NCAM2: variants seen among roughly 807,000 people sequenced by gnomAD.
NCAM2 encodes the protein N-CAM-2.
A neutral mutation model predicts 98.1 loss-of-function variants in NCAM2; 30 were observed. The ratio of observed to expected loss-of-function variants is 0.31; its 90% CI spans 0.23 to 0.41. The LOEUF (loss-of-function observed/expected upper bound fraction) is 0.41. Among genes scored for constraint, NCAM2 ranks in the 10% least tolerant of loss-of-function variants. The probability of loss-of-function intolerance (pLI) is 1.00; values close to 1 mark genes in which losing one functional copy is unlikely to be tolerated. For missense variants in NCAM2, 867 were observed against 1,005.8 expected, an observed-to-expected ratio of 0.86 and a Z score of 1.87; for synonymous variants, 368 against 342.4, an observed-to-expected ratio of 1.07 and a Z score of -0.83.
At chr21:21,199,807 T>C (rs1192557312) in intron 1 of NCAM2, among the ~76,000 whole-genome samples, 2 of 152,100 alleles carry the variant, frequency 1.3e-5, no homozygotes, top group African/African-American at 4.8e-5. Flanking sequence ...TATGGCATTC[T>C]TATACTTATG....
intron 14 of NCAM2, among the ~76,000 whole-genome samples, chr21:21,471,594 C>G (rs910669534): frequency 2.4e-4 from 36 of 152,056 alleles, no homozygotes; most frequent in African/African-American, 8.7e-4. Context: ...TTGATTTCTT[C>G]TTTGGCCACA....
At chr21:21,465,021 A>G (rs1602419922) in intron 12 of NCAM2, among the ~76,000 whole-genome samples, 1 of 152,204 alleles carries the variant, frequency 6.6e-6, no homozygotes. Context: ...TACACTCTAA[A>G]AAGCAAGTTC....
At position 21,472,408 on chromosome 21, in the gene NCAM2, T is replaced by A. The variant is rs557866655; in HGVS notation, c.1896+3625T>A. Among the ~76,000 whole-genome samples, 3 of 152,170 alleles carry A rather than the reference T, an allele frequency of 2.0e-5. No individual in the cohort carries two copies. In the South Asian group the frequency reaches 6.2e-4, roughly 32 times the overall value. On this transcript the variant is annotated intron_variant, in intron 14 of 17. Coordinates refer to ENST00000400546, the MANE Select transcript of NCAM2 (RefSeq NM_004540.5). ...GGTTCTTAAGAAAACATTTTCCAGTTAATAATGTTTATGTATGTACATGGA... is the reference window on the plus strand; with the variant it reads ...GGTTCTTAAGAAAACATTTTCCAGTAAATAATGTTTATGTATGTACATGGA...
intron 8 of NCAM2, among the ~76,000 whole-genome samples, chr21:21,343,542 T>C (rs1220519453): frequency 2.0e-5 from 3 of 152,118 alleles, no homozygotes; most frequent in African/African-American, 7.2e-5. Flanking sequence ...AGCCTTGACA[T>C]GGTGTCGAGA....
chr21:21,085,955 C>T (rs1469613726), intron 1 of NCAM2, among the ~76,000 whole-genome samples: 1 of 152,096 alleles, frequency 6.6e-6, no homozygotes, highest in African/African-American at 2.4e-5. Flanking sequence ...TTATTAAGCA[C>T]TGCAGAAACT....
intron 12 of NCAM2, among the ~76,000 whole-genome samples, chr21:21,452,100 C>G (rs1353458159): frequency 1.3e-5 from 2 of 149,436 alleles, no homozygotes; most frequent in Non-Finnish European, 3.0e-5. Context: ...TTATTAGTGA[C>G]TTTATCTCTT....
At chr21:21,301,293 C>T (rs2073702067) in intron 5 of NCAM2, among the ~76,000 whole-genome samples, 1 of 151,668 alleles carries the variant, frequency 6.6e-6, no homozygotes, top group African/African-American at 2.4e-5. Flanking sequence ...GGGGACTCAG[C>T]CAAAAATTAT....
intron 11 of NCAM2, among the ~76,000 whole-genome samples, chr21:21,431,674 A>G (rs921281658): frequency 5.9e-5 from 9 of 152,130 alleles, no homozygotes; most frequent in Admixed American, 5.9e-4. Context: ...CAAAGAAAAT[A>G]CATTTTGTAT....
chr21:21,467,183 G>A (rs1257197246), intron 13 of NCAM2, among the ~76,000 whole-genome samples: 5 of 151,754 alleles, frequency 3.3e-5, no homozygotes, highest in East Asian at 1.9e-4. Flanking sequence ...GTGACTGCAG[G>A]AGAAGCCTTG....
chr21:21,291,163 A>C (rs2073278263), intron 4 of NCAM2, among the ~76,000 whole-genome samples: 1 of 151,936 alleles, frequency 6.6e-6, no homozygotes, highest in Non-Finnish European at 1.5e-5. Flanking sequence ...TATTCATCAA[A>C]GTGTCTTATA....
chr21:21,060,343 C>T (rs2065296074), intron 1 of NCAM2, among the ~76,000 whole-genome samples: 1 of 151,992 alleles, frequency 6.6e-6, no homozygotes, highest in African/African-American at 2.4e-5. Flanking sequence ...GTTTTAAATG[C>T]ACAAGCATAT....
intron 1 of NCAM2, among the ~76,000 whole-genome samples, chr21:21,150,783 C>A (rs993229853): frequency 1.3e-5 from 2 of 151,676 alleles, no homozygotes; most frequent in Non-Finnish European, 2.9e-5. Flanking sequence ...TATTTTTCTG[C>A]ATTTGGTATA....
intron 8 of NCAM2, among the ~76,000 whole-genome samples, chr21:21,351,272 A>G (rs2075332381): frequency 6.6e-6 from 1 of 152,046 alleles, no homozygotes; most frequent in Non-Finnish European, 1.5e-5. Context: ...TAACTCAAAT[A>G]TTATTGGCGA....
At chr21:21,311,471 G>T (rs535524357) in intron 5 of NCAM2, among the ~76,000 whole-genome samples, 1 of 151,474 alleles carries the variant, frequency 6.6e-6, no homozygotes, top group Admixed American at 6.6e-5. Context: ...CTCCTGAGTC[G>T]CTGGGACTAC....
intron 5 of NCAM2, among the ~76,000 whole-genome samples, chr21:21,323,972 T>C (rs1480881064): frequency 6.6e-6 from 1 of 152,158 alleles, no homozygotes; most frequent in Non-Finnish European, 1.5e-5. Context: ...TCCATATTGA[T>C]GTAAGTTAGG....
At chr21:21,248,648 G>T (rs1197157398) in intron 1 of NCAM2, among the ~76,000 whole-genome samples, 1 of 151,550 alleles carries the variant, frequency 6.6e-6, no homozygotes, top group Non-Finnish European at 1.5e-5. Flanking sequence ...GTGGTGGCGG[G>T]CGCCTGTAGT....
At chr21:21,201,574 C>T (rs2069222258) in intron 1 of NCAM2, among the ~76,000 whole-genome samples, 1 of 152,218 alleles carries the variant, frequency 6.6e-6, no homozygotes, top group Non-Finnish European at 1.5e-5. Context: ...AGCTGGAAGA[C>T]TCAGGCTGAT....
At chr21:21,483,345 G>C (rs1351247396) in intron 15 of NCAM2, among the ~76,000 whole-genome samples, 1 of 151,766 alleles carries the variant, frequency 6.6e-6, no homozygotes, top group African/African-American at 2.4e-5. Context: ...ATACAAAATA[G>C]TTGTTTAGAT....
intron 1 of NCAM2, among the ~76,000 whole-genome samples, chr21:21,085,918 T>G (rs2065897636): frequency 6.6e-6 from 1 of 152,182 alleles, no homozygotes; most frequent in Non-Finnish European, 1.5e-5. Context: ...TATTGTATAT[T>G]AGAGAAAATC....
Sources: gnomAD v4.1 joint callset for allele counts (sites outside exome capture counted in the v4.1 genomes callset) on GRCh38, gnomAD v4.1.1 for gene constraint, MANE v1.5 for transcripts, NCBI Gene and HGNC (gene_info 2026-07-23, HGNC 2026-07-21) for gene names.